The following ANO2 variants were observed in gnomAD, a reference collection of about 807,000 sequenced individuals.
ANO2 encodes the protein anoctamin-2.
In ANO2, 101 loss-of-function variants were observed where a neutral mutation model predicts 124.2. The ratio of observed to expected loss-of-function variants is 0.81; its 90% CI spans 0.69 to 0.96. The LOEUF (loss-of-function observed/expected upper bound fraction) is 0.96. ANO2 is among the 40% of genes least tolerant of loss of function. ANO2 has a pLI of 0.00. For synonymous variants in ANO2, 486 were observed against 482.5 expected (o/e 1.01, Z -0.09); for missense variants, 1,293 against 1,274.5 (o/e 1.01, Z -0.22).
intron 3 of ANO2, among the ~76,000 whole-genome samples, chr12:5,884,484 G>A (rs1317570987): frequency 1.3e-5 from 2 of 152,338 alleles, no homozygotes; most frequent in Middle Eastern, 3.4e-3. Flanking sequence ...TGGCCTGAAG[G>A]CAGGATTTGA....
At chr12:5,905,867 T>G (rs73047652) in intron 3 of ANO2, among the ~76,000 whole-genome samples, 16,440 of 152,200 alleles carry the variant, frequency 0.11, 2,029 homozygotes, top group African/African-American at 0.3. Context: ...CTGGACCAGA[T>G]GACAGCCTGT....
At chr12:5,665,714 C>T (rs1372133807) in intron 14 of ANO2, among the ~76,000 whole-genome samples, 1 of 146,836 alleles carries the variant, frequency 6.8e-6, no homozygotes, top group East Asian at 2.0e-4. Flanking sequence ...CCACCACCCC[C>T]CACCCCCACC....
intron 4 of ANO2, among the ~76,000 whole-genome samples, chr12:5,841,854 C>T (rs933454427): frequency 1.3e-5 from 2 of 152,050 alleles, no homozygotes; most frequent in Non-Finnish European, 2.9e-5. Flanking sequence ...TTGGTGCCTC[C>T]TAATTTATTT....
intron 16 of ANO2, among the ~76,000 whole-genome samples, chr12:5,628,951 C>T (rs958406564): frequency 2.0e-5 from 3 of 152,186 alleles, no homozygotes; most frequent in Non-Finnish European, 2.9e-5. Context: ...ATGGAACTCA[C>T]GGCCTTTCCC....
chr12:5,689,414 A>T (rs1196631367), intron 14 of ANO2, among the ~76,000 whole-genome samples: 3 of 152,186 alleles, frequency 2.0e-5, no homozygotes, highest in Non-Finnish European at 2.9e-5. Flanking sequence ...TATGGGAGGC[A>T]TAAATTGGCT....
chr12:5,611,954 C>A (rs1440312818), intron 19 of ANO2, among the ~76,000 whole-genome samples: 1 of 152,196 alleles, frequency 6.6e-6, no homozygotes, highest in Non-Finnish European at 1.5e-5. Context: ...TGCTGGGCTG[C>A]CTAAAAGCAT....
chr12:5,721,512 G>GT (rs1369450473), intron 14 of ANO2, among the ~76,000 whole-genome samples: 9 of 130,070 alleles, frequency 6.9e-5, no homozygotes, highest in South Asian at 4.9e-4. Context: ...TTTTTTTTTT[G>GT]TTTTTTTTTA....
intron 11 of ANO2, among the ~76,000 whole-genome samples, chr12:5,748,825 G>GCCTC (rs1951349022): frequency 7.3e-6 from 1 of 137,120 alleles, no homozygotes; most frequent in Non-Finnish European, 1.5e-5. Flanking sequence ...CTTGCCCTCG[G>GCCTC]CCTCCCTCCC....
chr12:5,877,987 C>A (rs1347120477), intron 3 of ANO2, among the ~76,000 whole-genome samples: 13 of 152,170 alleles, frequency 8.5e-5, no homozygotes, highest in Non-Finnish European at 1.8e-4. Context: ...GGCCCACGGC[C>A]GGGGGGTTGG....
rs57038931 is a variant in ANO2, at chr12:5,873,196, G to GCTCTCTCTCTCTCTCTCT, written c.535-19073_535-19056dup. ...AACTTTGTTACTTTTGCCTAAAGCA[G>GCTCTCTCTCTCTCTCTCT]CTCTCTCTCTCTCTCTCTCTCTCTC... On this transcript the variant is annotated intron_variant, in intron 3 of 24. Coordinates refer to ENST00000682330, the MANE Select transcript of ANO2 (RefSeq NM_001364791.2). Among the ~76,000 whole-genome samples the GCTCTCTCTCTCTCTCTCT allele has an allele frequency of 6.3e-4, 75 of 119,036 alleles. 2 individuals are homozygous for GCTCTCTCTCTCTCTCTCT. The highest frequency in any genetic ancestry group is 9.6e-4 in the Non-Finnish European group (55 of 57,142). The allele number at this position is 119,036 out of a possible 152,430, so 78.1% of individuals were successfully genotyped here.
intron 1 of ANO2, among the ~76,000 whole-genome samples, chr12:5,942,766 G>A (rs866627617): frequency 1.6e-4 from 25 of 152,192 alleles, no homozygotes; most frequent in African/African-American, 5.8e-4. Context: ...TCTCCTAAGA[G>A]AGGCCTTCGC....
intron 10 of ANO2, among the ~76,000 whole-genome samples, chr12:5,761,762 A>G (rs933068423): frequency 6.6e-6 from 1 of 152,206 alleles, no homozygotes; most frequent in Non-Finnish European, 1.5e-5. Context: ...ATGTTTTTCA[A>G]GTTTACATGA....
intron 10 of ANO2, among the ~76,000 whole-genome samples, chr12:5,795,231 G>C (rs1952811982): frequency 6.6e-6 from 1 of 152,196 alleles, no homozygotes; most frequent in South Asian, 2.1e-4. Context: ...TGCCACCCAA[G>C]GGCTCTTGAA....
At chr12:5,686,176 C>T (rs1218220067) in intron 14 of ANO2, among the ~76,000 whole-genome samples, 1 of 152,170 alleles carries the variant, frequency 6.6e-6, no homozygotes, top group East Asian at 1.9e-4. Flanking sequence ...ACTCTCTCCA[C>T]TTCCCTCTGC....
chr12:5,739,787 C>T (rs17195410), intron 12 of ANO2: 55,349 of 433,002 alleles, frequency 0.13, 3,965 homozygotes, highest in Admixed American at 0.2. Flanking sequence ...CCTCCTTCAC[C>T]TTCATCAGCA....
chr12:5,723,539 G>T (rs902270528), intron 14 of ANO2, among the ~76,000 whole-genome samples: 1 of 150,234 alleles, frequency 6.7e-6, no homozygotes, highest in Non-Finnish European at 1.5e-5. Context: ...GGTGCCCCAG[G>T]GAGTGACTGG....
chr12:5,679,996 A>T (rs1041048512), intron 14 of ANO2, among the ~76,000 whole-genome samples: 28 of 152,352 alleles, frequency 1.8e-4, no homozygotes, highest in African/African-American at 5.3e-4. Context: ...ATGGACATGG[A>T]TGGAGTTGGA....
At chr12:5,647,653 T>C (rs978849152) in intron 15 of ANO2, 74 bp downstream of exon 15, 1 of 1,159,762 alleles carries the variant, frequency 8.6e-7, no homozygotes, top group Non-Finnish European at 1.3e-6. Flanking sequence ...TAGCAGAATA[T>C]AATACCCACA....
Position 5,884,345 on chromosome 12 carries a change from A to C in ANO2, c.535-30204T>G, listed in dbSNP as rs1938732298. Among the ~76,000 whole-genome samples the C allele has an allele frequency of 2.0e-5, 3 of 152,326 alleles. No homozygotes were observed. In the South Asian group the frequency reaches 6.2e-4, roughly 32 times the overall value. On this transcript the variant is annotated intron_variant, in intron 3 of 24. Coordinates refer to ENST00000682330, the MANE Select transcript of ANO2 (RefSeq NM_001364791.2). ...CCTCTGTCCACCTGGCCAGCCTCAG[A>C]TGTGGGCTGATATGAATGCCAAGCC...
Sources: gnomAD v4.1 joint callset for allele counts (sites outside exome capture counted in the v4.1 genomes callset) on GRCh38, gnomAD v4.1.1 for gene constraint, MANE v1.5 for transcripts, NCBI Gene and HGNC (gene_info 2026-07-23, HGNC 2026-07-21) for gene names.